The following CNTNAP5 variants were observed in gnomAD, a reference collection of about 807,000 sequenced individuals.
The protein encoded by CNTNAP5 is contactin-associated protein-like 5.
A neutral mutation model predicts 150.2 loss-of-function variants in CNTNAP5; 72 were observed. The ratio of observed to expected loss-of-function variants is 0.48; its 90% confidence interval spans 0.40 to 0.58. The LOEUF (loss-of-function observed/expected upper bound fraction) is 0.58, where lower values mean the gene tolerates loss of function less well. Among genes scored for constraint, CNTNAP5 ranks in the 20% least tolerant of loss-of-function variants. The pLI is 0.00. For synonymous variants in CNTNAP5, 672 were observed against 619.8 expected (o/e 1.08, Z -1.25); for missense variants, 1,636 against 1,626.2 (o/e 1.01, Z -0.10).
intron 1 of CNTNAP5, among the ~76,000 whole-genome samples, chr2:124,067,644 G>A (rs1682194642): frequency 6.6e-6 from 1 of 152,122 alleles, no homozygotes; most frequent in African/African-American, 2.4e-5. Flanking sequence ...TTTGAAGGTT[G>A]GGGGACATGG....
chr2:124,328,745 G>A (rs1689279531), intron 3 of CNTNAP5, among the ~76,000 whole-genome samples: 1 of 152,120 alleles, frequency 6.6e-6, no homozygotes, highest in African/African-American at 2.4e-5. Context: ...CAAAAGAAAG[G>A]CTTGGGAGGT....
At chr2:124,911,310 T>C (rs1217835628) in intron 22 of CNTNAP5, among the ~76,000 whole-genome samples, 157 bp from the exon 23 acceptor site, 1 of 151,974 alleles carries the variant, frequency 6.6e-6, no homozygotes, top group Non-Finnish European at 1.5e-5. Flanking sequence ...TTTCTGCTTG[T>C]GCATGTTTTT....
At chr2:124,341,693 T>C (rs1260594110) in intron 3 of CNTNAP5, among the ~76,000 whole-genome samples, 2 of 152,162 alleles carry the variant, frequency 1.3e-5, no homozygotes, top group Non-Finnish European at 2.9e-5. Context: ...CACTAGTTTC[T>C]CTGGATTCTG....
intron 6 of CNTNAP5, among the ~76,000 whole-genome samples, chr2:124,459,367 CCTCTCAGAT>C (rs1479608954): frequency 6.6e-6 from 1 of 152,158 alleles, no homozygotes; most frequent in Non-Finnish European, 1.5e-5. Context: ...TTTCTCATCA[CCTCTCAGAT>C]TGTGATAAAG....
At chr2:124,762,419 A>C (rs369617321) in intron 14 of CNTNAP5, among the ~76,000 whole-genome samples, 1 of 152,136 alleles carries the variant, frequency 6.6e-6, no homozygotes. Context: ...ATACAAAATC[A>C]TAGGTGGATG....
intron 10 of CNTNAP5, among the ~76,000 whole-genome samples, chr2:124,548,955 G>A (rs139316086): frequency 3.2e-4 from 49 of 152,236 alleles, no homozygotes; most frequent in African/African-American, 1.2e-3. Flanking sequence ...CTCTGAAGGA[G>A]GTCACACTAT....
chr2:124,423,133 A>C (rs953128304), intron 4 of CNTNAP5, among the ~76,000 whole-genome samples: 2 of 152,200 alleles, frequency 1.3e-5, no homozygotes, highest in African/African-American at 4.8e-5. Flanking sequence ...CTAGTTGGGT[A>C]ATCTTGGGCA....
At chr2:124,147,715 C>A (rs10203586) in intron 1 of CNTNAP5, among the ~76,000 whole-genome samples, 1 of 152,038 alleles carries the variant, frequency 6.6e-6, no homozygotes, top group African/African-American at 2.4e-5. Context: ...CTGTTGGGAG[C>A]CTCCTGTCAC....
At chr2:124,089,437 C>T (rs1682767863) in intron 1 of CNTNAP5, among the ~76,000 whole-genome samples, 1 of 152,098 alleles carries the variant, frequency 6.6e-6, no homozygotes, top group Non-Finnish European at 1.5e-5. Context: ...AAACTTGCCC[C>T]AGCTCATACA....
chr2:124,109,139 T>C (rs1683237609), intron 1 of CNTNAP5, among the ~76,000 whole-genome samples: 1 of 152,188 alleles, frequency 6.6e-6, no homozygotes, highest in South Asian at 2.1e-4. Flanking sequence ...CTCCAAAGGG[T>C]CCCTGATTGA....
chr2:124,557,323 C>T (rs1695780955), intron 10 of CNTNAP5, among the ~76,000 whole-genome samples: 2 of 124,020 alleles, frequency 1.6e-5, no homozygotes, highest in East Asian at 6.5e-4. Flanking sequence ...TGTTTTCTCA[C>T]CTCTTAAAAA....
intron 10 of CNTNAP5, among the ~76,000 whole-genome samples, chr2:124,553,737 C>G (rs1015071216): frequency 1.3e-5 from 2 of 152,028 alleles, no homozygotes; most frequent in Admixed American, 1.3e-4. Context: ...AATCTAAAAC[C>G]TGTTATTTTC....
intron 3 of CNTNAP5, among the ~76,000 whole-genome samples, chr2:124,379,132 T>C (rs542951577): frequency 1.3e-5 from 2 of 150,972 alleles, no homozygotes; most frequent in South Asian, 2.1e-4. Context: ...CCTTTTTTTT[T>C]GTTTTTTTTT....
At chr2:124,860,504 T>TTTCCTTCCTTCC (rs70999227) in intron 19 of CNTNAP5, among the ~76,000 whole-genome samples, 1 of 17,494 alleles carries the variant, frequency 5.7e-5, no homozygotes, top group Admixed American at 6.3e-4. Context: ...TCCTTCCTTC[T>TTTCCTTCCTTCC]TTCCTTCCTT....
intron 10 of CNTNAP5, among the ~76,000 whole-genome samples, chr2:124,540,542 G>C (rs1018176779): frequency 2.6e-5 from 4 of 152,122 alleles, no homozygotes; most frequent in Non-Finnish European, 5.9e-5. Context: ...TGCTTACTCT[G>C]TACCAGGCAC....
intron 7 of CNTNAP5, among the ~76,000 whole-genome samples, chr2:124,480,929 A>T (rs145726849): frequency 1.3e-5 from 2 of 152,324 alleles, no homozygotes; most frequent in African/African-American, 4.8e-5. Flanking sequence ...TTTCAAGGTC[A>T]TATGAAGAAT....
At chr2:124,646,898 A>T (rs1204158703) in intron 12 of CNTNAP5, among the ~76,000 whole-genome samples, 1 of 152,210 alleles carries the variant, frequency 6.6e-6, no homozygotes, top group Non-Finnish European at 1.5e-5. Flanking sequence ...GCTTGAGCCC[A>T]GGAATTTGAA....
intron 1 of CNTNAP5, among the ~76,000 whole-genome samples, chr2:124,030,209 T>G (rs1681007101): frequency 1.3e-5 from 2 of 152,150 alleles, no homozygotes; most frequent in Admixed American, 6.5e-5. Context: ...TTTGGATATT[T>G]CTGGGATGAT....
At chr2:124,272,306 T>G (rs1687779362) in intron 3 of CNTNAP5, among the ~76,000 whole-genome samples, 2 of 152,304 alleles carry the variant, frequency 1.3e-5, no homozygotes, top group East Asian at 3.9e-4. Context: ...TGCTTTGGCT[T>G]ATGAAGTAGG....
Sources: gnomAD v4.1 joint callset for allele counts (sites outside exome capture counted in the v4.1 genomes callset) on GRCh38, gnomAD v4.1.1 for gene constraint, MANE v1.5 for transcripts, NCBI Gene and HGNC (gene_info 2026-07-23, HGNC 2026-07-21) for gene names.